The following EPHA3 variants were observed in gnomAD, a reference collection of about 807,000 sequenced individuals.
EPHA3 encodes the protein EPH receptor A3.
In EPHA3, 42 loss-of-function variants were observed where a neutral mutation model predicts 107.1. That is an observed-to-expected ratio of 0.39 (90% CI 0.31 to 0.51). The LOEUF (loss-of-function observed/expected upper bound fraction) is 0.51, where lower values mean the gene tolerates loss of function less well. Among genes scored for constraint, EPHA3 ranks in the 20% least tolerant of loss-of-function variants. EPHA3 has a pLI of 0.78. For synonymous variants in EPHA3, 461 were observed against 424.8 expected, an observed-to-expected ratio of 1.09 and a Z score of -1.05; for missense variants, 1,183 against 1,211.2, an observed-to-expected ratio of 0.98 and a Z score of 0.35.
intron 2 of EPHA3, among the ~76,000 whole-genome samples, chr3:89,208,329 C>G (rs1477524328): frequency 6.9e-6 from 1 of 145,488 alleles, no homozygotes; most frequent in African/African-American, 2.6e-5. Flanking sequence ...GAGATCGTGC[C>G]ATTGCACTCT....
chr3:89,430,623 T>C (rs1427185951), intron 12 of EPHA3, among the ~76,000 whole-genome samples: 1 of 152,154 alleles, frequency 6.6e-6, no homozygotes, highest in Admixed American at 6.6e-5. Flanking sequence ...TTCTATTTTG[T>C]GACTACAATT....
intron 9 of EPHA3, 65 bp from the exon 10 acceptor site, chr3:89,413,076 A>G: frequency 6.3e-7 from 1 of 1,596,744 alleles, no homozygotes; most frequent in South Asian, 1.1e-5. Flanking sequence ...ATGCCATAAA[A>G]TTTGATCTAT....
chr3:89,386,111 G>A (rs1576350417), intron 5 of EPHA3, among the ~76,000 whole-genome samples: 1 of 152,178 alleles, frequency 6.6e-6, no homozygotes, highest in Non-Finnish European at 1.5e-5. Context: ...GAGCATTAAA[G>A]TTAGGAAAAT....
intron 3 of EPHA3, among the ~76,000 whole-genome samples, chr3:89,219,688 G>GTGTTTTTTTTTGTTTTTT: frequency 0.017 from 595 of 34,438 alleles, 250 homozygotes; most frequent in Middle Eastern, 0.11. Flanking sequence ...ATTTGGCAAT[G>GTGTTTTTTTTTGTTTTTT]TTTTTTTTTT....
At chr3:89,130,926 G>A (rs772249662) in intron 2 of EPHA3, among the ~76,000 whole-genome samples, 4 of 152,152 alleles carry the variant, frequency 2.6e-5, no homozygotes, top group Non-Finnish European at 5.9e-5. Flanking sequence ...GTGAGACACC[G>A]CGCCCGGTCC....
intron 5 of EPHA3, among the ~76,000 whole-genome samples, chr3:89,372,905 C>G (rs1478191986): frequency 2.6e-5 from 4 of 151,582 alleles, no homozygotes; most frequent in Non-Finnish European, 5.9e-5. Context: ...CACAAAAGAA[C>G]CAAGGATATG....
At chr3:89,360,377 A>G (rs1708067962) in intron 5 of EPHA3, among the ~76,000 whole-genome samples, 1 of 151,092 alleles carries the variant, frequency 6.6e-6, no homozygotes, top group African/African-American at 2.4e-5. Flanking sequence ...TTGGAGCACT[A>G]TGAGTAATCT....
rs188526951 is a variant in EPHA3, at chr3:89,200,573, A to C, written c.154-9287A>C. ...CAGAGCTAACCATGCACCTCTCTTC[A>C]GTAGTTTCTCACTGTAGCAAATGAG... On this transcript the variant is annotated intron_variant, in intron 2 of 16. Coordinates refer to ENST00000336596, the MANE Select transcript of EPHA3 (RefSeq NM_005233.6). 6.8e-3 allele frequency among the ~76,000 whole-genome samples: 1,039 copies of C among 152,286 alleles called. 9 individuals are homozygous for C. The highest frequency in any genetic ancestry group is 0.012 in the Non-Finnish European group (806 of 68,022).
At chr3:89,422,405 A>G (rs1709368854) in intron 11 of EPHA3, among the ~76,000 whole-genome samples, 1 of 151,366 alleles carries the variant, frequency 6.6e-6, no homozygotes, top group Non-Finnish European at 1.5e-5. Flanking sequence ...TTAATGAACA[A>G]AATAATATTT....
At chr3:89,343,542 C>T (rs1576323206) in intron 5 of EPHA3, among the ~76,000 whole-genome samples, 1 of 152,158 alleles carries the variant, frequency 6.6e-6, no homozygotes, top group East Asian at 1.9e-4. Flanking sequence ...TAGCACCCGT[C>T]TTTCTTGAGG....
chr3:89,141,929 T>C (rs1704439558), intron 2 of EPHA3, among the ~76,000 whole-genome samples: 1 of 151,442 alleles, frequency 6.6e-6, no homozygotes, highest in Non-Finnish European at 1.5e-5. Context: ...AGGAAATTTT[T>C]ACACAGATTC....
intron 5 of EPHA3, among the ~76,000 whole-genome samples, chr3:89,385,992 G>C (rs1479139549): frequency 6.6e-6 from 1 of 152,144 alleles, no homozygotes; most frequent in Non-Finnish European, 1.5e-5. Context: ...AGAGACTGGT[G>C]GCATTTTGCC....
chr3:89,256,126 C>T (rs1158747402), intron 3 of EPHA3, among the ~76,000 whole-genome samples: 1 of 151,952 alleles, frequency 6.6e-6, no homozygotes, highest in Non-Finnish European at 1.5e-5. Flanking sequence ...TGGAGCGTAC[C>T]TGTAGTCCCA....
intron 2 of EPHA3, among the ~76,000 whole-genome samples, chr3:89,193,330 C>T (rs55884669): frequency 0.083 from 12,621 of 152,010 alleles, 735 homozygotes; most frequent in Non-Finnish European, 0.13. Context: ...TGTAGCTGCT[C>T]CCCACCAAAT....
intron 1 of EPHA3, among the ~76,000 whole-genome samples, chr3:89,118,921 T>G (rs59012690): frequency 0.23 from 35,244 of 151,524 alleles, 4,229 homozygotes; most frequent in Middle Eastern, 0.32. Flanking sequence ...TAGTGGAGGG[T>G]GCAATTTAAG....
intron 2 of EPHA3, among the ~76,000 whole-genome samples, chr3:89,203,200 T>C (rs900063835): frequency 4.0e-5 from 6 of 151,596 alleles, no homozygotes; most frequent in Admixed American, 6.6e-5. Context: ...TAGTTCTCAG[T>C]GTTGGGGGTT....
chr3:89,351,579 G>A lies in EPHA3; in HGVS notation c.1306+9489G>A, dbSNP rs1411682719. 1.4e-4 allele frequency among the ~76,000 whole-genome samples: 21 copies of A among 151,130 alleles called. 1 individual carries two copies. Among genetic ancestry groups the A allele is most frequent in the Non-Finnish European group, 2.7e-4 (18 of 67,496 alleles). The stretch of plus-strand genomic sequence containing the variant: ...GAAATGCAGAAATCACCCGTCTTCT[G>A]CGTCGCTCACGCTGGGAGCTGTAGA... On this transcript the variant is annotated intron_variant, in intron 5 of 16. Transcript: ENST00000336596.
chr3:89,409,104 A>T (rs899759870), intron 9 of EPHA3, among the ~76,000 whole-genome samples: 1 of 152,102 alleles, frequency 6.6e-6, no homozygotes, highest in Admixed American at 6.6e-5. Flanking sequence ...ATAAATTGAT[A>T]TGAGAAGAAA....
intron 1 of EPHA3, among the ~76,000 whole-genome samples, chr3:89,116,063 G>T (rs1009308594): frequency 1.3e-5 from 2 of 152,122 alleles, no homozygotes; most frequent in African/African-American, 4.8e-5. Context: ...TCTGCGTGTG[G>T]GGGGGACCCA....
Sources: gnomAD v4.1 joint callset for allele counts (sites outside exome capture counted in the v4.1 genomes callset) on GRCh38, gnomAD v4.1.1 for gene constraint, MANE v1.5 for transcripts, NCBI Gene and HGNC (gene_info 2026-07-23, HGNC 2026-07-21) for gene names.